Variants in LDB2 observed in about 807,000 individuals in gnomAD.
LDB2 encodes the protein LIM domain-binding protein 2.
LDB2 carries 12 observed loss-of-function variants against 44.3 expected under a neutral mutation model. That is an observed-to-expected ratio of 0.27 (90% CI 0.17 to 0.44). The LOEUF (loss-of-function observed/expected upper bound fraction) is 0.44, where lower values mean the gene tolerates loss of function less well. LDB2 is among the 20% of genes least tolerant of loss of function. The pLI is 1.00. For missense variants in LDB2, 344 were observed against 473.5 expected, an observed-to-expected ratio of 0.73 and a Z score of 2.54; for synonymous variants, 164 against 174.8, an observed-to-expected ratio of 0.94 and a Z score of 0.49.
intron 2 of LDB2, among the ~76,000 whole-genome samples, chr4:16,605,666 G>C (rs759688419): frequency 1.9e-4 from 29 of 152,182 alleles, no homozygotes; most frequent in Non-Finnish European, 2.9e-4. Context: ...TTGTTCAACA[G>C]AATAGATGTC....
intron 2 of LDB2, among the ~76,000 whole-genome samples, chr4:16,679,321 AAGGAAGGC>A (rs1200678272): frequency 3.9e-5 from 6 of 152,050 alleles, no homozygotes; most frequent in African/African-American, 9.7e-5. Context: ...GGAAGGAAGG[AAGGAAGGC>A]AGGAAGGCAG....
At position 16,858,618 on chromosome 4, in the gene LDB2, C is replaced by T. The variant is rs556431559; in HGVS notation, c.132+39736G>A. 7.2e-5 allele frequency among the ~76,000 whole-genome samples: 11 copies of T among 152,342 alleles called. No homozygotes were observed. In the South Asian group the frequency reaches 2.1e-3, roughly 29 times the overall value. ...CACCAGACCCGGTCCTCGACTTTAT[C>T]ACCCATCGGTTATCTGTGTCGCCTG... On this transcript the variant is annotated intron_variant, in intron 1 of 7. Coordinates refer to ENST00000304523, the MANE Select transcript of LDB2 (RefSeq NM_001290.5).
In LDB2 at chr4:16,847,709, A is replaced by C. The variant is rs371646844; in HGVS notation, c.132+50645T>G. ...TCGGCTCATTGCAAGCTCCGCCTCC[A>C]GGGTTCACACCATTCTCCTGCCTCA... On this transcript the variant is annotated intron_variant, in intron 1 of 7. Coordinates refer to ENST00000304523, the MANE Select transcript of LDB2 (RefSeq NM_001290.5). 1.6e-4 allele frequency among the ~76,000 whole-genome samples: 25 copies of C among 152,252 alleles called. No homozygotes were observed. In the East Asian group the frequency reaches 1.9e-3, roughly 12 times the overall value.
At chr4:16,831,171 G>A (rs1783993213) in intron 1 of LDB2, among the ~76,000 whole-genome samples, 1 of 101,004 alleles carries the variant, frequency 9.9e-6, no homozygotes, top group African/African-American at 3.5e-5. Context: ...CAGCCTCTCT[G>A]AGCTTTTTTT....
chr4:16,871,961 T>A (rs13119896), intron 1 of LDB2, among the ~76,000 whole-genome samples: 33 of 151,946 alleles, frequency 2.2e-4, no homozygotes, highest in African/African-American at 7.7e-4. Flanking sequence ...AAAATTACAT[T>A]TGGGCTATGA....
chr4:16,838,442 T>C (rs1287330623), intron 1 of LDB2, among the ~76,000 whole-genome samples: 1 of 152,170 alleles, frequency 6.6e-6, no homozygotes, highest in African/African-American at 2.4e-5. Flanking sequence ...CTTTTAAACT[T>C]TATTCACAAG....
chr4:16,645,461 C>T (rs1452033533), intron 2 of LDB2, among the ~76,000 whole-genome samples: 4 of 148,878 alleles, frequency 2.7e-5, no homozygotes, highest in East Asian at 2.0e-4. Flanking sequence ...GGCGTGAACC[C>T]GGGAAGCGGA....
In LDB2 at chr4:16,595,873, T is replaced by A. The variant is rs750301575; in HGVS notation, c.238A>T (p.Ile80Phe). The A allele has an allele frequency of 6.2e-7, 1 of 1,612,994 alleles. No homozygotes were observed. The highest frequency in any genetic ancestry group is 1.7e-5 in the Admixed American group (1 of 59,908). Residue 80 changes from isoleucine to phenylalanine, a missense_variant and splice_region_variant, in exon 3 of 8, where the codon ATC becomes TTC. Physicochemically the swap from Ile to Phe is conservative, Grantham distance 21. This residue lies in a region of LDB2 where 226 missense variants were observed against 270.1 expected (regional missense o/e 0.84). Coordinates refer to ENST00000304523, the MANE Select transcript of LDB2 (RefSeq NM_001290.5). ...TAACGGGGGATGAGGGTCCTGCCGA[T>A]AGCTGGGAGAGAAACACAGAGAAAC... ...CLEDGPKRYTIGRTLIPRYFS... is the reference protein window; with the variant it reads ...CLEDGPKRYTFGRTLIPRYFS...
intron 2 of LDB2, among the ~76,000 whole-genome samples, chr4:16,757,271 G>A (rs1047530202): frequency 2.6e-5 from 4 of 152,164 alleles, no homozygotes; most frequent in Non-Finnish European, 5.9e-5. Flanking sequence ...CACATCACCG[G>A]GCTGTCAGCA....
At chr4:16,817,257 T>C (rs1321158572) in intron 1 of LDB2, among the ~76,000 whole-genome samples, 1 of 152,230 alleles carries the variant, frequency 6.6e-6, no homozygotes, top group Non-Finnish European at 1.5e-5. Flanking sequence ...GACTTCCTAC[T>C]CTCTCCTGAT....
intron 1 of LDB2, among the ~76,000 whole-genome samples, chr4:16,824,086 A>G (rs1782593719): frequency 6.6e-6 from 1 of 152,272 alleles, no homozygotes; most frequent in South Asian, 2.1e-4. Flanking sequence ...AGTACTGCTC[A>G]ACACGTAGAA....
intron 5 of LDB2, among the ~76,000 whole-genome samples, chr4:16,564,094 C>G (rs958962138): frequency 2.6e-5 from 4 of 152,160 alleles, no homozygotes; most frequent in African/African-American, 9.7e-5. Flanking sequence ...TCTTAATGGT[C>G]TTCAAGATTT....
intron 2 of LDB2, among the ~76,000 whole-genome samples, chr4:16,653,352 T>C (rs1490289751): frequency 6.6e-6 from 1 of 152,194 alleles, no homozygotes; most frequent in Non-Finnish European, 1.5e-5. Context: ...GAGTTTTACA[T>C]GTGGCAATAT....
intron 1 of LDB2, among the ~76,000 whole-genome samples, chr4:16,897,895 AATATAT>A (rs1174965862): frequency 0.032 from 2,500 of 77,296 alleles, 107 homozygotes; most frequent in South Asian, 0.053. Context: ...TAAAAAAGAA[AATATAT>A]ATATATATAT....
chr4:16,803,724 T>TCTCA (rs569016381), intron 1 of LDB2, among the ~76,000 whole-genome samples: 1 of 152,230 alleles, frequency 6.6e-6, no homozygotes, highest in South Asian at 2.1e-4. Flanking sequence ...TGTTGCTGAA[T>TCTCA]CTCAGTGTGT....
intron 1 of LDB2, among the ~76,000 whole-genome samples, chr4:16,820,709 T>C (rs1177511348): frequency 6.6e-6 from 1 of 152,186 alleles, no homozygotes; most frequent in African/African-American, 2.4e-5. Flanking sequence ...GAGCTTGTTC[T>C]TCATGCTTTT....
intron 1 of LDB2, among the ~76,000 whole-genome samples, chr4:16,804,852 T>A (rs1439012101): frequency 6.6e-6 from 1 of 152,216 alleles, no homozygotes; most frequent in Non-Finnish European, 1.5e-5. Context: ...TTGGCCACCA[T>A]AACAAAGTGC....
At chr4:16,681,805 T>G (rs1245310799) in intron 2 of LDB2, among the ~76,000 whole-genome samples, 1 of 151,896 alleles carries the variant, frequency 6.6e-6, no homozygotes, top group Non-Finnish European at 1.5e-5. Flanking sequence ...TCTTCTGACC[T>G]CGTGATCTGC....
chr4:16,877,806 T>C (rs892976832), intron 1 of LDB2, among the ~76,000 whole-genome samples: 3 of 152,210 alleles, frequency 2.0e-5, no homozygotes, highest in Non-Finnish European at 4.4e-5. Context: ...GCAAAGTGTC[T>C]GCAGTTGTAC....
Sources: gnomAD v4.1 joint callset for allele counts (sites outside exome capture counted in the v4.1 genomes callset) on GRCh38, gnomAD v4.1.1 for gene constraint, gnomAD v4.1.1 regional missense constraint, MANE v1.5 for transcripts, NCBI Gene and HGNC (gene_info 2026-07-23, HGNC 2026-07-21) for gene names.